Variants in RPE observed in about 807,000 individuals in gnomAD.
RPE encodes ribulose-phosphate 3-epimerase.
In RPE, 16 loss-of-function variants were observed where a neutral mutation model predicts 24.6. The observed-to-expected ratio is 0.65, with a 90% confidence interval of 0.44 to 0.99. The LOEUF (loss-of-function observed/expected upper bound fraction) is 0.99, where lower values mean the gene tolerates loss of function less well. RPE is among the 50% of genes least tolerant of loss of function. The pLI, the probability that RPE is intolerant of heterozygous loss-of-function variation, is 0.00. For missense variants in RPE, 240 were observed against 294.5 expected (o/e 0.81, Z 1.35); for synonymous variants, 93 against 98.4 (o/e 0.94, Z 0.33).
chr2:210,004,895 A>T (rs1289668002), intron 1 of RPE, among the ~76,000 whole-genome samples: 1 of 152,222 alleles, frequency 6.6e-6, no homozygotes, highest in Non-Finnish European at 1.5e-5. Context: ...ATAAAAAATG[A>T]AGTATTTGTT....
intron 5 of RPE, among the ~76,000 whole-genome samples, chr2:210,019,246 A>G (rs1324425787): frequency 6.6e-6 from 1 of 152,234 alleles, no homozygotes; most frequent in Non-Finnish European, 1.5e-5. Context: ...TTACATTTTT[A>G]GCAATAATTG....
chr2:210,007,139 A>C (rs1205572400), intron 1 of RPE, among the ~76,000 whole-genome samples: 1 of 152,222 alleles, frequency 6.6e-6, no homozygotes, highest in Non-Finnish European at 1.5e-5. Context: ...AAATACAGTT[A>C]ATAAAAGTAC....
rs150553933 is a variant in RPE, at chr2:210,010,259, A to G, written c.202+523A>G. 8.0e-3 allele frequency among the ~76,000 whole-genome samples: 1,222 copies of G among 152,310 alleles called. 19 individuals carry two copies. Among genetic ancestry groups the G allele is most frequent in the African/African-American group, 0.028 (1,151 of 41,556 alleles). ...TATTTTGTGCAAATTGGAGCTTTCT[A>G]CAAGTGGTGCCTAAATATTCACTCC... On this transcript the variant is annotated intron_variant, in intron 2 of 5. Coordinates refer to ENST00000359429, the MANE Select transcript of RPE (RefSeq NM_199229.3).
intron 2 of RPE, among the ~76,000 whole-genome samples, chr2:210,012,663 C>T (rs1045793999): frequency 2.0e-5 from 3 of 152,196 alleles, no homozygotes; most frequent in African/African-American, 7.2e-5. Flanking sequence ...TATGGTTTTT[C>T]AGACCTGGCT....
In RPE at chr2:210,020,464, G is replaced by A. The variant is rs902912774; in HGVS notation, c.*673G>A. On this transcript the variant is annotated 3_prime_UTR_variant, in exon 6 of 6. Transcript: ENST00000359429. ...TGTTGTGTTAGCTCTGAGTAGAAAGGAAAAAGTAAAACCTCTGTTTGGAGG... is the reference window on the plus strand; with the variant it reads ...TGTTGTGTTAGCTCTGAGTAGAAAGAAAAAAGTAAAACCTCTGTTTGGAGG... The A allele has an allele frequency of 2.4e-5, 4 of 166,900 alleles. No individual in the cohort carries two copies. Among genetic ancestry groups the A allele is most frequent in the Admixed American group, 1.3e-4 (2 of 15,276 alleles). The allele number at this position is 166,900 out of a possible 1,614,324, so 10.3% of individuals were successfully genotyped here. A position where few individuals can be genotyped will look rare whatever the true frequency, so the allele number is the denominator to read the frequency against.
At chr2:210,013,058 A>G (rs1379278112) in intron 2 of RPE, among the ~76,000 whole-genome samples, 1 of 152,252 alleles carries the variant, frequency 6.6e-6, no homozygotes. Flanking sequence ...AGCACATTTA[A>G]GATAGGCTAG....
intron 2 of RPE, among the ~76,000 whole-genome samples, chr2:210,012,947 T>G (rs772416063): frequency 3.5e-4 from 54 of 152,154 alleles, no homozygotes; most frequent in Non-Finnish European, 5.7e-4. Flanking sequence ...CCATTCAAAA[T>G]ACAAGACAAA....
chr2:210,008,115 A>G (rs915785219), intron 1 of RPE, among the ~76,000 whole-genome samples: 1 of 152,168 alleles, frequency 6.6e-6, no homozygotes, highest in African/African-American at 2.4e-5. Context: ...AAAAGGTTTG[A>G]CTGAGTTGAC....
intron 1 of RPE, among the ~76,000 whole-genome samples, chr2:210,005,477 C>A (rs929684291): frequency 1.2e-4 from 18 of 152,070 alleles, no homozygotes; most frequent in Non-Finnish European, 2.4e-4. Context: ...GGGAAAAAAA[C>A]CCTAGAAAAC....
intron 3 of RPE, 151 bp downstream of exon 3, chr2:210,016,263 G>A (rs2093770347): frequency 1.2e-6 from 2 of 1,613,790 alleles, no homozygotes; most frequent in African/African-American, 2.7e-5. Context: ...TGCAGGTAAA[G>A]AATACCTTAC....
chr2:210,007,431 A>G (rs1026011150), intron 1 of RPE, among the ~76,000 whole-genome samples: 3 of 152,074 alleles, frequency 2.0e-5, no homozygotes, highest in Non-Finnish European at 4.4e-5. Flanking sequence ...TTCCCATCCT[A>G]TCTTATTTAT....
chr2:210,011,495 T>C (rs956017171), intron 2 of RPE, among the ~76,000 whole-genome samples: 8 of 152,216 alleles, frequency 5.3e-5, no homozygotes, highest in African/African-American at 1.9e-4. Flanking sequence ...GCCTTTCCTT[T>C]TAGCAATCCT....
chr2:210,016,279 C>T (rs776890139), intron 3 of RPE, 167 bp downstream of exon 3: 3 of 1,612,570 alleles, frequency 1.9e-6, no homozygotes, highest in South Asian at 2.2e-5. Context: ...CTTACTTAAG[C>T]AGCTGTTCTT....
At chr2:210,007,479 A>T (rs2093645416) in intron 1 of RPE, among the ~76,000 whole-genome samples, 1 of 152,222 alleles carries the variant, frequency 6.6e-6, no homozygotes, top group African/African-American at 2.4e-5. Flanking sequence ...TCATATTTAC[A>T]GCAGGACAAA....
intron 5 of RPE, chr2:210,018,079 A>T: frequency 7.1e-7 from 1 of 1,407,574 alleles, no homozygotes; most frequent in Non-Finnish European, 9.5e-7. Context: ...ATAAATTGTT[A>T]AAATTGTAAA....
Position 210,002,669 on chromosome 2 carries a change from C to T in RPE, c.8C>T (p.Ser3Leu), listed in dbSNP as rs1222132965. 1 of 1,613,088 alleles carries T rather than the reference C, an allele frequency of 6.2e-7. No individual in the cohort carries two copies. Among genetic ancestry groups the T allele is most frequent in the Non-Finnish European group, 8.5e-7 (1 of 1,179,218 alleles). MASGCKIGPSILN... is the reference protein window; with the variant it reads MALGCKIGPSILN... ...CTTTTGGGAGCCAGCGGTATGGCGT[C>T]GGGCTGCAAGATTGGCCCGTCCATC... Residue 3 changes from serine (S) to leucine (L), a missense_variant, in exon 1 of 6, where the codon TCG becomes TTG. Coordinates refer to ENST00000359429, the MANE Select transcript of RPE (RefSeq NM_199229.3).
At chr2:210,010,026 T>C (rs918126991) in intron 2 of RPE, among the ~76,000 whole-genome samples, 2 of 152,184 alleles carry the variant, frequency 1.3e-5, no homozygotes, top group Non-Finnish European at 2.9e-5. Flanking sequence ...TTAACCTTTA[T>C]CCAATTATCT....
At chr2:210,011,058 C>G (rs895728822) in intron 2 of RPE, among the ~76,000 whole-genome samples, 1 of 152,136 alleles carries the variant, frequency 6.6e-6, no homozygotes, top group Non-Finnish European at 1.5e-5. Context: ...ACAGAAAATT[C>G]TGTTGAATAT....
chr2:210,009,707 G>T lies in RPE; in HGVS notation c.173G>T (p.Arg58Leu). ...TFGHPVVESL[R>L]KQLGQDPFFD... The stretch of plus-strand genomic sequence containing the variant: ...GGTCACCCTGTGGTAGAAAGCCTTC[G>T]AAAGCAGCTAGGCCAGGACCCTTTC... The change falls in exon 2 of 6, where the codon CGA becomes CTA. Residue 58 changes from arginine (R) to leucine (L), a missense_variant. Physicochemically the swap from Arg to Leu is moderately radical, Grantham distance 102 (BLOSUM62 -2). Transcript: ENST00000359429. 2 of 1,614,094 alleles carry T rather than the reference G, an allele frequency of 1.2e-6. No homozygotes were observed. Among genetic ancestry groups the T allele is most frequent in the Non-Finnish European group, 1.7e-6 (2 of 1,179,996 alleles).
Sources: allele counts gnomAD v4.1 joint callset (sites outside exome capture counted in the v4.1 genomes callset), GRCh38; gene constraint gnomAD v4.1.1; transcripts MANE v1.5; gene names NCBI Gene and HGNC (gene_info 2026-07-23, HGNC 2026-07-21).